The following ZNF677 variants were observed in gnomAD, a reference collection of about 807,000 sequenced individuals.
The protein encoded by ZNF677 is hypothetical protein MGC48625.
ZNF677 carries 5 observed loss-of-function variants against 8.1 expected under a neutral mutation model. That is an observed-to-expected ratio of 0.62 (90% CI 0.32 to 1.29). ZNF677 has a LOEUF of 1.29. ZNF677 is among the 50% of genes most tolerant of loss of function. The pLI, the probability that ZNF677 is intolerant of heterozygous loss-of-function variation, is 0.05. For synonymous variants in ZNF677, 221 were observed against 225.6 expected (o/e 0.98, Z 0.18); for missense variants, 685 against 685.9 (o/e 1.00, Z 0.01).
In ZNF677 at chr19:53,237,938, GT is replaced by G. The variant is rs761104235; in HGVS notation, c.788del (p.Tyr263SerfsTer350). The G allele has an allele frequency of 3.8e-5, 62 of 1,611,918 alleles. No homozygotes were observed. In the Middle Eastern group the frequency reaches 9.9e-4, roughly 26 times the overall value. On this transcript the variant is annotated frameshift_variant, in exon 5 of 5. Coordinates refer to ENST00000598513, the MANE Select transcript of ZNF677 (RefSeq NM_182609.4). LOFTEE classifies it low-confidence loss of function (END_TRUNC). ...YGRTHIREKSYKCNDCGKAFS... is the reference protein window; with the variant it reads ...YGRTHIREKSXKCNDCGKAFS... The stretch of plus-strand genomic sequence containing the variant: ...AAGCCTTTCCACAGTCATTACACTT[GT>G]ATGATTTTTCTCTAATGTGTGTTCT...
Position 53,237,989 on chromosome 19 carries a change from G to T in ZNF677, c.738C>A (p.Tyr246Ter), listed in dbSNP as rs768921652. The T allele has an allele frequency of 6.2e-7, 1 of 1,612,722 alleles. No homozygotes were observed. The highest frequency in any genetic ancestry group is 1.3e-5 in the African/African-American group (1 of 74,854). Residue 246 changes from tyrosine to a stop codon, truncating the protein, a stop_gained, in exon 5 of 5, where the codon TAC (tyrosine) becomes TAA (stop). Coordinates refer to ENST00000598513, the MANE Select transcript of ZNF677 (RefSeq NM_182609.4). LOFTEE classifies it low-confidence loss of function (END_TRUNC). ...TCCCATACTGTGTATGTAATAAAGG[G>T]TATTTCAAAATCTTCCTATATTTAT... ...ICNKYRKILK[Y>*]PLLHTQYGRT...
intron 1 of ZNF677, among the ~76,000 whole-genome samples, chr19:53,253,718 AAAG>A (rs2091271022): frequency 6.6e-6 from 1 of 152,180 alleles, no homozygotes; most frequent in East Asian, 1.9e-4. Flanking sequence ...AAAGAAAGCA[AAAG>A]AAAGCATTTA....
intron 2 of ZNF677, among the ~76,000 whole-genome samples, chr19:53,252,468 G>A (rs141269915): frequency 2.0e-5 from 3 of 152,186 alleles, no homozygotes; most frequent in Non-Finnish European, 4.4e-5. Context: ...GGCCTGGATA[G>A]GGCAGTAGCA....
In ZNF677 at chr19:53,236,718, T is replaced by C. The variant is rs1379344189; in HGVS notation, c.*254A>G. 3.5e-6 allele frequency: 1 copy of C among 285,362 alleles called. No homozygotes were observed. Among genetic ancestry groups the C allele is most frequent in the African/African-American group, 2.2e-5 (1 of 45,604 alleles). 17.7% of individuals were successfully genotyped at this position (285,362 alleles called of 1,614,324 possible). ...TATGGTTTCCATCCTGAATGTCTTC[T>C]GTTATAACCATAATAGGGTAAATAT... On this transcript the variant is annotated 3_prime_UTR_variant, in exon 5 of 5. Coordinates refer to ENST00000598513, the MANE Select transcript of ZNF677 (RefSeq NM_182609.4).
At chr19:53,242,963 C>A (rs1408030817) in intron 4 of ZNF677, 1 of 152,214 alleles carries the variant, frequency 6.6e-6, no homozygotes, top group Admixed American at 6.5e-5. Context: ...GGAGTTCAAC[C>A]TTTTACACAT....
rs765108630 is a variant in ZNF677 at position 53,237,822 on chromosome 19, T to C, written c.905A>G (p.Gln302Arg). ...CTGATGCCTAGTGAGGTTCGAACAC[T>C]GGTTAAAGGCTTTGCCACACTCGTT... ...KCNECGKAFN[Q>R]CSNLTRHQRV... Residue 302 changes from glutamine (Q) to arginine (R), a missense_variant, in exon 5 of 5, where the codon CAG becomes CGG. Transcript: ENST00000598513. The C allele has an allele frequency of 1.9e-6, 3 of 1,613,108 alleles. No individual in the cohort carries two copies. The highest frequency in any genetic ancestry group is 2.7e-5 in the African/African-American group (2 of 75,016).
In ZNF677 at chr19:53,252,149, A is replaced by G. The variant is rs375411749; in HGVS notation, c.-55-544T>C. Among the ~76,000 whole-genome samples the G allele has an allele frequency of 7.2e-5, 11 of 152,340 alleles. No individual in the cohort carries two copies. The East Asian group carries it at 9.6e-4, about 13-fold the overall frequency. On this transcript the variant is annotated intron_variant, in intron 2 of 4. Transcript: ENST00000598513. Reference sequence around the variant, plus strand: ...AAGCTGAGAGAGAAGCAGCTCTCCTATCTCTAACCCTATGCCCCGACCCCT... The same window carrying G: ...AAGCTGAGAGAGAAGCAGCTCTCCTGTCTCTAACCCTATGCCCCGACCCCT...
intron 3 of ZNF677, among the ~76,000 whole-genome samples, chr19:53,246,057 G>A (rs978561341): frequency 1.5e-4 from 23 of 151,206 alleles, no homozygotes; most frequent in African/African-American, 5.3e-4. Context: ...AGTGGCTCAC[G>A]CCTGTAATCC....
At chr19:53,252,307 G>A (rs367980560) in intron 2 of ZNF677, among the ~76,000 whole-genome samples, 3 of 152,094 alleles carry the variant, frequency 2.0e-5, no homozygotes, top group African/African-American at 2.4e-5. Context: ...GGATCCCATC[G>A]GCTCAGATTC....
At position 53,238,396 on chromosome 19, in the gene ZNF677, C is replaced by T. The variant is rs375245682; in HGVS notation, c.331G>A (p.Asp111Asn). The T allele has an allele frequency of 1.9e-6, 3 of 1,613,876 alleles. No individual in the cohort carries two copies. Among genetic ancestry groups the T allele is most frequent in the Non-Finnish European group, 8.5e-7 (1 of 1,179,932 alleles). The part of the protein sequence containing the change: ...ENMPKFDSLW[D>N]YDVKNYKGMP... Reference sequence around the variant, plus strand: ...CCTTTGTAATTTTTTACATCATAGTCCCACAGGCTGTCAAACTTAGGCATA... The same window carrying T: ...CCTTTGTAATTTTTTACATCATAGTTCCACAGGCTGTCAAACTTAGGCATA... The change falls in exon 5 of 5, where the codon GAC becomes AAC. Residue 111 changes from aspartate (D) to asparagine (N), a missense_variant. Transcript: ENST00000598513.
intron 3 of ZNF677, among the ~76,000 whole-genome samples, chr19:53,248,094 T>A (rs1599923089): frequency 6.6e-6 from 1 of 152,324 alleles, no homozygotes; most frequent in East Asian, 1.9e-4. Context: ...TGTGTGTATA[T>A]CATTTCGGTT....
intron 2 of ZNF677, among the ~76,000 whole-genome samples, chr19:53,252,867 A>C (rs2914372): frequency 0.44 from 67,045 of 151,890 alleles, 15,233 homozygotes; most frequent in East Asian, 0.75. Context: ...TGCTAATCGC[A>C]CCCCACCTCC....
At position 53,237,741 on chromosome 19, in the gene ZNF677, C is replaced by CT. The variant is rs1396617483; in HGVS notation, c.985dup (p.Ser329LysfsTer22). 6.2e-7 allele frequency: 1 copy of CT among 1,613,722 alleles called. No homozygotes were observed. Among genetic ancestry groups the CT allele is most frequent in the African/African-American group, 1.3e-5 (1 of 74,902 alleles). ...ATGACTTGCAAGATTTGAATTTTGA[C>CT]TACAGACCTTGCCACATATATTACA... On this transcript the variant is annotated frameshift_variant, in exon 5 of 5. Coordinates refer to ENST00000598513, the MANE Select transcript of ZNF677 (RefSeq NM_182609.4). LOFTEE classifies it low-confidence loss of function (END_TRUNC).
rs868046720 is a variant in ZNF677 at position 53,237,907 on chromosome 19, T to G, written c.820A>C (p.Lys274Gln). The change falls in exon 5 of 5, where the codon AAA becomes CAA. Residue 274 changes from lysine to glutamine, a missense_variant. Physicochemically the swap from Lys to Gln is moderately conservative, Grantham distance 53. Coordinates refer to ENST00000598513, the MANE Select transcript of ZNF677 (RefSeq NM_182609.4). ...TGATGATTAGTGAGGTTCGAACTTT[T>G]GCTAAAAGCCTTTCCACAGTCATTA... is the stretch of plus-strand genomic sequence containing the variant. ...KCNDCGKAFS[K>Q]SSNLTNHQRI... 3 of 1,612,870 alleles carry G rather than the reference T, an allele frequency of 1.9e-6. No homozygotes were observed. Among genetic ancestry groups the G allele is most frequent in the Non-Finnish European group, 2.5e-6 (3 of 1,179,962 alleles).
At chr19:53,241,632 G>C (rs1323913296) in intron 4 of ZNF677, 3 of 384,074 alleles carry the variant, frequency 7.8e-6, no homozygotes, top group Non-Finnish European at 1.4e-5. Context: ...ACTGCCCTTG[G>C]GAGACACTGG....
At chr19:53,243,699 A>T (rs1252590176) in intron 4 of ZNF677, 45 bp downstream of exon 4, 1 of 1,613,246 alleles carries the variant, frequency 6.2e-7, no homozygotes, top group African/African-American at 1.3e-5. Context: ...AGGGCCTCCC[A>T]AGAGACTCAC....
At chr19:53,243,604 G>T in intron 4 of ZNF677, 140 bp downstream of exon 4, 1 of 1,113,514 alleles carries the variant, frequency 9.0e-7, no homozygotes, top group Non-Finnish European at 1.3e-6. Context: ...AAGTCTATAT[G>T]CTACATTATG....
chr19:53,248,001 C>T (rs1031919764), intron 3 of ZNF677, among the ~76,000 whole-genome samples: 1 of 152,086 alleles, frequency 6.6e-6, no homozygotes, highest in Admixed American at 6.5e-5. Flanking sequence ...CCACTTTTAC[C>T]ATTTTGCTAC....
At position 53,238,012 on chromosome 19, in the gene ZNF677, T is replaced by G. The variant is rs766063812; in HGVS notation, c.715A>C (p.Lys239Gln). The G allele has an allele frequency of 6.2e-7, 1 of 1,613,664 alleles. No individual in the cohort carries two copies. Among genetic ancestry groups the G allele is most frequent in the Admixed American group, 1.7e-5 (1 of 60,018 alleles). The stretch of plus-strand genomic sequence containing the variant: ...GGGTATTTCAAAATCTTCCTATATT[T>G]ATTACAAATGTTTTTGACACAAGGA... ...LPPCVKNICN[K>Q]YRKILKYPLL... is the part of the protein sequence containing the mutation. The change falls in exon 5 of 5, where the codon AAA becomes CAA. Residue 239 changes from lysine to glutamine, a missense_variant. Lys to Gln is a moderately conservative substitution (Grantham distance 53, BLOSUM62 1). Coordinates refer to ENST00000598513, the MANE Select transcript of ZNF677 (RefSeq NM_182609.4).
Sources: allele counts gnomAD v4.1 joint callset (sites outside exome capture counted in the v4.1 genomes callset), GRCh38; gene constraint gnomAD v4.1.1; transcripts MANE v1.5; gene names NCBI Gene and HGNC (gene_info 2026-07-23, HGNC 2026-07-21).